The following CCDC85A variants were observed in gnomAD, a reference collection of about 807,000 sequenced individuals.
CCDC85A encodes the protein coiled-coil domain containing 85A.
A neutral mutation model predicts 50.2 loss-of-function variants in CCDC85A; 38 were observed. The ratio of observed to expected loss-of-function variants is 0.76; its 90% confidence interval spans 0.58 to 0.99. The LOEUF is 0.99. Ranked by LOEUF, CCDC85A falls within the 50% of genes least tolerant of loss-of-function variation. The pLI is 0.00. For missense variants in CCDC85A, 820 were observed against 742.0 expected (o/e 1.11, Z -1.22); for synonymous variants, 366 against 301.4 (o/e 1.21, Z -2.22).
intron 2 of CCDC85A, among the ~76,000 whole-genome samples, chr2:56,335,604 CTT>C (rs35400454): frequency 0.35 from 50,314 of 143,730 alleles, 9,793 homozygotes; most frequent in African/African-American, 0.55. Context: ...CCAAACTCAT[CTT>C]TTTTTTTTTT....
At chr2:56,247,639 T>C (rs968873135) in intron 2 of CCDC85A, among the ~76,000 whole-genome samples, 1 of 152,216 alleles carries the variant, frequency 6.6e-6, no homozygotes, top group Non-Finnish European at 1.5e-5. Context: ...CTGATAAAAG[T>C]GGCTCCTTTG....
At chr2:56,293,563 G>A (rs760528974) in intron 2 of CCDC85A, among the ~76,000 whole-genome samples, 5 of 151,056 alleles carry the variant, frequency 3.3e-5, no homozygotes, top group Non-Finnish European at 5.9e-5. Context: ...GGGAGAAAAC[G>A]TCTGACAAAG....
chr2:56,258,447 C>T (rs1032838294), intron 2 of CCDC85A, among the ~76,000 whole-genome samples: 2 of 152,164 alleles, frequency 1.3e-5, no homozygotes, highest in African/African-American at 4.8e-5. Context: ...ACCTCACCAC[C>T]CCTCGTCAGA....
At chr2:56,325,514 T>C (rs1673422388) in intron 2 of CCDC85A, among the ~76,000 whole-genome samples, 1 of 152,144 alleles carries the variant, frequency 6.6e-6, no homozygotes, top group African/African-American at 2.4e-5. Context: ...AAATTATCTT[T>C]TGTTATCCAC....
At chr2:56,296,688 G>A (rs1410175006) in intron 2 of CCDC85A, among the ~76,000 whole-genome samples, 1 of 152,200 alleles carries the variant, frequency 6.6e-6, no homozygotes, top group Non-Finnish European at 1.5e-5. Flanking sequence ...TCTGGGGCAT[G>A]AGGGAAGGAA....
chr2:56,218,643 TC>T (rs1158998123), intron 2 of CCDC85A, among the ~76,000 whole-genome samples: 2 of 151,834 alleles, frequency 1.3e-5, no homozygotes, highest in Admixed American at 6.6e-5. Context: ...TTAACATTTG[TC>T]CCCCAAATAT....
chr2:56,229,427 G>A (rs1668684876), intron 2 of CCDC85A, among the ~76,000 whole-genome samples: 1 of 152,160 alleles, frequency 6.6e-6, no homozygotes, highest in African/African-American at 2.4e-5. Context: ...TAACATTGTT[G>A]CTTGTAATTA....
rs138639789 is a variant in CCDC85A, at chr2:56,200,023, C to G, written c.1240+6583C>G. 6.1e-3 allele frequency among the ~76,000 whole-genome samples: 931 copies of G among 152,296 alleles called. 6 individuals carry two copies. Among genetic ancestry groups the G allele is most frequent in the African/African-American group, 0.021 (893 of 41,556 alleles). On this transcript the variant is annotated intron_variant, in intron 2 of 5. Coordinates refer to ENST00000407595, the MANE Select transcript of CCDC85A (RefSeq NM_001080433.2). ...AGCTGGGATTACAGGCGCACACCAC[C>G]ACGCCTAGCTAATTTTTGTACTTTT...
chr2:56,358,129 C>T (rs752264047), intron 3 of CCDC85A, among the ~76,000 whole-genome samples: 5 of 152,172 alleles, frequency 3.3e-5, no homozygotes, highest in Non-Finnish European at 7.3e-5. Flanking sequence ...GCAAGATAAT[C>T]TGTGAAAATG....
intron 3 of CCDC85A, among the ~76,000 whole-genome samples, chr2:56,352,325 T>C (rs77606282): frequency 0.011 from 1,732 of 152,188 alleles, 9 homozygotes; most frequent in Non-Finnish European, 0.015. Context: ...ACAGTTTAAG[T>C]GAATACATTT....
chr2:56,383,544 G>A (rs114141294), intron 5 of CCDC85A: 29,152 of 975,474 alleles, frequency 0.03, 489 homozygotes, highest in Non-Finnish European at 0.033. Context: ...CTAACATATT[G>A]TAATTGTATC....
chr2:56,340,468 C>T (rs893426770), intron 2 of CCDC85A, among the ~76,000 whole-genome samples: 7 of 152,176 alleles, frequency 4.6e-5, no homozygotes, highest in Non-Finnish European at 7.4e-5. Context: ...TTACCAGTAG[C>T]GAAACCATAT....
At chr2:56,295,360 C>T (rs1671898992) in intron 2 of CCDC85A, among the ~76,000 whole-genome samples, 1 of 152,158 alleles carries the variant, frequency 6.6e-6, no homozygotes, top group Non-Finnish European at 1.5e-5. Context: ...TTTCCATTGA[C>T]TAAGCCATGA....
Position 56,184,218 on chromosome 2 carries a change from C to CA in CCDC85A, c.-407_-406insA. Reference sequence around the variant, plus strand: ...GGAGGAAAGTGCGTGTGCGTGCACGCCTGTGTGCAGGGCAGAGAGTGCGGG... The same window carrying CA: ...GGAGGAAAGTGCGTGTGCGTGCACGCACTGTGTGCAGGGCAGAGAGTGCGGG... On this transcript the variant is annotated 5_prime_UTR_variant, in exon 1 of 6. Coordinates refer to ENST00000407595, the MANE Select transcript of CCDC85A (RefSeq NM_001080433.2). 1 of 988,976 alleles carries CA rather than the reference C, an allele frequency of 1.0e-6. No homozygotes were observed. Among genetic ancestry groups the CA allele is most frequent in the Non-Finnish European group, 1.2e-6 (1 of 829,978 alleles). The allele number at this position is 988,976 out of a possible 1,614,324, so 61.3% of individuals were successfully genotyped here.
chr2:56,318,111 G>A (rs184872040), intron 2 of CCDC85A, among the ~76,000 whole-genome samples: 2 of 152,214 alleles, frequency 1.3e-5, no homozygotes, highest in East Asian at 3.9e-4. Context: ...ATTTTAGAGC[G>A]AGAAGGAATC....
At chr2:56,351,543 T>C (rs1674940738) in intron 3 of CCDC85A, among the ~76,000 whole-genome samples, 1 of 140,658 alleles carries the variant, frequency 7.1e-6, no homozygotes, top group Non-Finnish European at 1.5e-5. Flanking sequence ...TGATCGCCAT[T>C]CTAACTGGTG....
chr2:56,375,975 T>C (rs1444158027), intron 5 of CCDC85A, 40 bp downstream of exon 5: 2 of 1,599,460 alleles, frequency 1.3e-6, no homozygotes, highest in Non-Finnish European at 1.7e-6. Context: ...GAGCTTCAGT[T>C]GTGTCGTCGC....
At chr2:56,367,258 A>C (rs988309334) in intron 3 of CCDC85A, among the ~76,000 whole-genome samples, 1 of 152,104 alleles carries the variant, frequency 6.6e-6, no homozygotes, top group African/African-American at 2.4e-5. Flanking sequence ...GTGTTGTTAC[A>C]GTAGGATGAT....
chr2:56,369,744 A>G (rs1459428528), intron 3 of CCDC85A, among the ~76,000 whole-genome samples: 1 of 152,108 alleles, frequency 6.6e-6, no homozygotes, highest in Non-Finnish European at 1.5e-5. Context: ...TGAGAAGTAC[A>G]GTTCGGATTT....
Sources: gnomAD v4.1 joint callset for allele counts (sites outside exome capture counted in the v4.1 genomes callset) on GRCh38, gnomAD v4.1.1 for gene constraint, MANE v1.5 for transcripts, NCBI Gene and HGNC (gene_info 2026-07-23, HGNC 2026-07-21) for gene names.